The following NDST3 variants were observed in gnomAD, a reference collection of about 807,000 sequenced individuals.
NDST3 encodes the protein bifunctional heparan sulfate N-deacetylase/N-sulfotransferase 3.
In NDST3, 58 loss-of-function variants were observed where a neutral mutation model predicts 96.1. The observed-to-expected ratio is 0.60, with a 90% confidence interval of 0.49 to 0.75. NDST3 has a LOEUF of 0.75. NDST3 is among the 30% of genes least tolerant of loss of function. The pLI, the probability that NDST3 is intolerant of heterozygous loss-of-function variation, is 0.00. For missense variants in NDST3, 788 were observed against 1,034.2 expected, an observed-to-expected ratio of 0.76 and a Z score of 3.27; for synonymous variants, 333 against 359.7, an observed-to-expected ratio of 0.93 and a Z score of 0.84.
rs1483923301 is a variant in NDST3 at position 118,105,106 on chromosome 4, G to A, written c.1069+1G>A. On this transcript the variant is annotated splice_donor_variant, in intron 3 of 13. Coordinates refer to ENST00000296499, the MANE Select transcript of NDST3 (RefSeq NM_004784.3). LOFTEE classifies it high-confidence loss of function. Reference sequence around the variant, plus strand: ...TTTTCAGGGAAATTTTACCATACAGGTAAGAAAAAGGGATTAACTGTTCTC... The same window carrying A: ...TTTTCAGGGAAATTTTACCATACAGATAAGAAAAAGGGATTAACTGTTCTC... The A allele has an allele frequency of 6.2e-7, 1 of 1,605,806 alleles. No individual in the cohort carries two copies. Among genetic ancestry groups the A allele is most frequent in the Middle Eastern group, 1.7e-4 (1 of 6,048 alleles).
rs1009194549 is a variant in NDST3, at chr4:118,206,375, T to C, written c.1540-18116T>C. 2.1e-4 allele frequency among the ~76,000 whole-genome samples: 30 copies of C among 144,960 alleles called. 4 individuals carry two copies. The highest frequency in any genetic ancestry group is 7.6e-4 in the African/African-American group (30 of 39,234). Reference sequence around the variant, plus strand: ...ACCTTTAGGTGGGTAATATTTGAGATGGTCCTTGAAAGTTGATAGGATTTA... The same window carrying C: ...ACCTTTAGGTGGGTAATATTTGAGACGGTCCTTGAAAGTTGATAGGATTTA... On this transcript the variant is annotated intron_variant, in intron 6 of 13. Coordinates refer to ENST00000296499, the MANE Select transcript of NDST3 (RefSeq NM_004784.3).
chr4:118,163,842 A>T (rs1407878987), intron 6 of NDST3, among the ~76,000 whole-genome samples: 1 of 152,176 alleles, frequency 6.6e-6, no homozygotes, highest in Admixed American at 6.6e-5. Flanking sequence ...AAAAGTCAAA[A>T]AATAACAGAT....
chr4:118,116,142 CAT>C (rs1326801022), intron 4 of NDST3, among the ~76,000 whole-genome samples: 1 of 152,184 alleles, frequency 6.6e-6, no homozygotes, highest in Non-Finnish European at 1.5e-5. Flanking sequence ...TGCTAAAACT[CAT>C]ATCTCAAAAC....
At chr4:118,200,355 G>A (rs1191544901) in intron 6 of NDST3, among the ~76,000 whole-genome samples, 3 of 152,162 alleles carry the variant, frequency 2.0e-5, no homozygotes, top group Non-Finnish European at 4.4e-5. Context: ...AGGGAGTACT[G>A]CCAGACTACC....
chr4:118,221,191 A>G (rs1257665283), intron 6 of NDST3, among the ~76,000 whole-genome samples: 1 of 152,044 alleles, frequency 6.6e-6, no homozygotes, highest in Non-Finnish European at 1.5e-5. Flanking sequence ...AAAGCAAAAC[A>G]AAACTGGTTG....
chr4:118,148,645 A>C (rs1051193595), intron 6 of NDST3, among the ~76,000 whole-genome samples: 3 of 152,216 alleles, frequency 2.0e-5, no homozygotes, highest in African/African-American at 7.2e-5. Flanking sequence ...GAATTCACTC[A>C]AGAAGAAAGC....
At chr4:118,102,388 A>G (rs1350548590) in intron 2 of NDST3, among the ~76,000 whole-genome samples, 2 of 152,042 alleles carry the variant, frequency 1.3e-5, no homozygotes, top group Admixed American at 1.3e-4. Context: ...ACAGTACTCT[A>G]TCAGATGGGT....
intron 4 of NDST3, among the ~76,000 whole-genome samples, chr4:118,130,855 A>G (rs1051451430): frequency 1.3e-5 from 2 of 152,178 alleles, no homozygotes; most frequent in Non-Finnish European, 2.9e-5. Flanking sequence ...TTCTAGCATA[A>G]AAGTTCTTTT....
intron 2 of NDST3, among the ~76,000 whole-genome samples, chr4:118,072,515 T>C (rs1727167227): frequency 6.6e-6 from 1 of 152,116 alleles, no homozygotes; most frequent in Non-Finnish European, 1.5e-5. Flanking sequence ...GTGTTCTTGA[T>C]TTGGCACTCA....
chr4:118,234,273 A>G (rs1740496266), intron 9 of NDST3, among the ~76,000 whole-genome samples: 1 of 152,044 alleles, frequency 6.6e-6, no homozygotes, highest in South Asian at 2.1e-4. Flanking sequence ...TTAGCCAGGC[A>G]TGGTGGTGTA....
In NDST3 at chr4:118,226,531, A is replaced by G. The variant is rs116707920; in HGVS notation, c.1723-355A>G. On this transcript the variant is annotated intron_variant, in intron 7 of 13. Transcript: ENST00000296499. ...CTTACATTTCAGTTATGTATTGAAT[A>G]CTGAGTGTATCATCTTTTAGGTTAG... Among the ~76,000 whole-genome samples the G allele has an allele frequency of 1.8e-3, 268 of 152,246 alleles. 2 individuals carry two copies. Among genetic ancestry groups the G allele is most frequent in the African/African-American group, 6.2e-3 (257 of 41,554 alleles).
chr4:118,249,986 C>A (rs952707650), intron 12 of NDST3, among the ~76,000 whole-genome samples: 5 of 152,340 alleles, frequency 3.3e-5, no homozygotes, highest in Admixed American at 1.3e-4. Flanking sequence ...TACTTTCTTT[C>A]ACTTAGCATA....
At chr4:118,225,593 C>G (rs190664621) in intron 7 of NDST3, among the ~76,000 whole-genome samples, 30 of 152,264 alleles carry the variant, frequency 2.0e-4, no homozygotes, top group Admixed American at 1.6e-3. Flanking sequence ...ACTTCTTAAT[C>G]ACTGTTCTAA....
intron 1 of NDST3, among the ~76,000 whole-genome samples, chr4:118,046,000 T>G (rs1724741048): frequency 6.7e-6 from 1 of 149,622 alleles, no homozygotes; most frequent in African/African-American, 2.5e-5. Context: ...AGCAAAGAAG[T>G]GCTACTCCCA....
At chr4:118,074,626 T>C (rs1727348279) in intron 2 of NDST3, among the ~76,000 whole-genome samples, 1 of 152,190 alleles carries the variant, frequency 6.6e-6, no homozygotes, top group Non-Finnish European at 1.5e-5. Flanking sequence ...TTTGAGGCTA[T>C]GGGTGTCACT....
In NDST3 at chr4:118,066,461, C is replaced by T. The variant is rs1189939733; in HGVS notation, c.981+11570C>T. On this transcript the variant is annotated intron_variant, in intron 2 of 13. Coordinates refer to ENST00000296499, the MANE Select transcript of NDST3 (RefSeq NM_004784.3). ...TATCATATGTTATATATTATATATA[C>T]ATTATATATGTTATATATTATATAT... Among the ~76,000 whole-genome samples, 12 of 1,194 alleles carry T rather than the reference C, an allele frequency of 0.01. 4 individuals are homozygous for T. The Admixed American group carries it at 0.18, about 18-fold the overall frequency. 0.8% of individuals were successfully genotyped at this position (1,194 alleles called of 152,430 possible).
intron 2 of NDST3, among the ~76,000 whole-genome samples, chr4:118,096,706 G>GATAGATAGATAT (rs1553930735): frequency 6.6e-6 from 1 of 151,584 alleles, no homozygotes; most frequent in Non-Finnish European, 1.5e-5. Flanking sequence ...TAGATAGATA[G>GATAGATAGATAT]ATAGACAGTT....
chr4:118,072,420 A>G (rs1170826116), intron 2 of NDST3, among the ~76,000 whole-genome samples: 36 of 151,182 alleles, frequency 2.4e-4, no homozygotes, highest in Non-Finnish European at 1.8e-4. Context: ...GTGTTGTACA[A>G]CTCTCCTTGT....
chr4:118,169,887 G>A (rs549746874), intron 6 of NDST3, among the ~76,000 whole-genome samples: 30 of 152,030 alleles, frequency 2.0e-4, no homozygotes, highest in Non-Finnish European at 3.5e-4. Context: ...TGGAAAACCA[G>A]GTGGCAGTGA....
Sources: gnomAD v4.1 joint callset for allele counts (sites outside exome capture counted in the v4.1 genomes callset) on GRCh38, gnomAD v4.1.1 for gene constraint, MANE v1.5 for transcripts, NCBI Gene and HGNC (gene_info 2026-07-23, HGNC 2026-07-21) for gene names.